MYLIP: variants seen among roughly 807,000 people sequenced by gnomAD.
MYLIP encodes the protein E3 ubiquitin-protein ligase MYLIP.
A neutral mutation model predicts 45.8 loss-of-function variants in MYLIP; 26 were observed. The observed-to-expected ratio is 0.57, with a 90% CI of 0.42 to 0.79. MYLIP has a LOEUF of 0.79. MYLIP is among the 30% of genes least tolerant of loss of function. The pLI is 0.00. For synonymous variants in MYLIP, 213 were observed against 218.1 expected, an observed-to-expected ratio of 0.98 and a Z score of 0.21; for missense variants, 494 against 555.6, an observed-to-expected ratio of 0.89 and a Z score of 1.11.
rs1178229947 is a variant in MYLIP at position 16,129,388 on chromosome 6, C to T, written c.66C>T (p.Asn22=). The change falls in exon 1 of 7, where the codon AAC becomes AAT. Residue 22 remains asparagine, a synonymous_variant. Transcript: ENST00000356840. This position sits in a 1 kb window ranked among gnomAD's most constrained non-coding sequence, Gnocchi z 5.1. ...LMEVEVEAKA[N]GEDCLNQVCR... ...AGGTGGAGGTGGAGGCGAAAGCCAA[C>T]GGCGAGGACTGCCTCAACCAGGTGA... is the stretch of plus-strand genomic sequence containing the variant. The T allele has an allele frequency of 1.3e-6, 2 of 1,592,148 alleles. No individual in the cohort carries two copies. Among genetic ancestry groups the T allele is most frequent in the African/African-American group, 2.7e-5 (2 of 74,528 alleles).
intron 2 of MYLIP, among the ~76,000 whole-genome samples, chr6:16,139,040 G>A (rs1238727559): frequency 6.6e-6 from 1 of 152,146 alleles, no homozygotes; most frequent in Non-Finnish European, 1.5e-5. Context: ...TGGATAGGTT[G>A]CAAAAAGACA....
chr6:16,146,712 G>A lies in MYLIP; in HGVS notation c.1299G>A (p.Leu433=). Residue 433 remains leucine, a synonymous_variant, in exon 7 of 7, where the codon CTG becomes CTA. Coordinates refer to ENST00000356840, the MANE Select transcript of MYLIP (RefSeq NM_013262.4). ...TGGAGCATGTCCAGCACGTCTATCTGCCAACGCACACCAGTCTTCTCAATC... is the reference window on the plus strand; with the variant it reads ...TGGAGCATGTCCAGCACGTCTATCTACCAACGCACACCAGTCTTCTCAATC... ...SRVEHVQHVY[L]PTHTSLLNLT... is the part of the protein sequence containing the mutation. 2 of 1,611,798 alleles carry A rather than the reference G, an allele frequency of 1.2e-6. No individual in the cohort carries two copies. The highest frequency in any genetic ancestry group is 1.7e-6 in the Non-Finnish European group (2 of 1,178,770).
At chr6:16,140,577 A>C (rs1397771616) in intron 2 of MYLIP, among the ~76,000 whole-genome samples, 2 of 152,196 alleles carry the variant, frequency 1.3e-5, no homozygotes, top group East Asian at 3.9e-4. Flanking sequence ...GATACAGACC[A>C]AAGGGTATCC....
rs1346036413 is a variant in MYLIP at position 16,147,162 on chromosome 6, T to C, written c.*411T>C. ...GCAGCAGATTTTGTAAGAATTACTTTTAAGAATTTCATTCTTTTTGTATGG... is the reference window on the plus strand; with the variant it reads ...GCAGCAGATTTTGTAAGAATTACTTCTAAGAATTTCATTCTTTTTGTATGG... On this transcript the variant is annotated 3_prime_UTR_variant, in exon 7 of 7. Coordinates refer to ENST00000356840, the MANE Select transcript of MYLIP (RefSeq NM_013262.4). The C allele has an allele frequency of 1.3e-5, 2 of 157,766 alleles. No homozygotes were observed. Among genetic ancestry groups the C allele is most frequent in the Non-Finnish European group, 2.8e-5 (2 of 70,842 alleles). The allele number at this position is 157,766 out of a possible 1,614,324, so 9.8% of individuals were successfully genotyped here. A position where few individuals can be genotyped will look rare whatever the true frequency, so the allele number is the denominator to read the frequency against.
rs771283038 is a variant in MYLIP, at chr6:16,130,609, C to T, written c.140C>T (p.Thr47Met). 3 of 1,614,010 alleles carry T rather than the reference C, an allele frequency of 1.9e-6. No individual in the cohort carries two copies. Among genetic ancestry groups the T allele is most frequent in the East Asian group, 2.2e-5 (1 of 44,896 alleles). ...IEVDYFGLQF[T>M]GSKGESLWLN... is the part of the protein sequence containing the mutation. Reference sequence around the variant, plus strand: ...GTTGACTATTTTGGACTGCAGTTTACGGGTAGCAAAGGTGAAAGTTTATGG... The same window carrying T: ...GTTGACTATTTTGGACTGCAGTTTATGGGTAGCAAAGGTGAAAGTTTATGG... Residue 47 changes from threonine (T) to methionine (M), a missense_variant, in exon 2 of 7, where the codon ACG (threonine) becomes ATG (methionine). Thr to Met is a moderately conservative substitution (Grantham distance 81, BLOSUM62 -1). Coordinates refer to ENST00000356840, the MANE Select transcript of MYLIP (RefSeq NM_013262.4).
chr6:16,161,017 C>T, the MYLIP span: 1 of 156,418 alleles, frequency 6.4e-6, no homozygotes, highest in African/African-American at 2.4e-5. Context: ...CACATCCACA[C>T]ATCCTCGCCG....
chr6:16,159,149 A>C, the MYLIP span, among the ~76,000 whole-genome samples: 2 of 152,218 alleles, frequency 1.3e-5, no homozygotes, highest in African/African-American at 4.8e-5. Context: ...GTACAACCCT[A>C]AGAAGCATCA....
intron 3 of MYLIP, among the ~76,000 whole-genome samples, chr6:16,142,075 G>T (rs1003681492): frequency 6.6e-6 from 1 of 152,216 alleles, no homozygotes; most frequent in African/African-American, 2.4e-5. Flanking sequence ...GACAGAGGGA[G>T]CAGCAAGACC....
At chr6:16,143,312 A>T (rs1192903352) in intron 4 of MYLIP, 95 bp downstream of exon 4, 1 of 1,222,650 alleles carries the variant, frequency 8.2e-7, no homozygotes, top group Non-Finnish European at 1.2e-6. Flanking sequence ...CTCGACAGTC[A>T]GCTCTTAGGA....
downstream of MYLIP, among the ~76,000 whole-genome samples, chr6:16,149,194 G>C (rs1380843589): frequency 6.6e-6 from 1 of 152,198 alleles, no homozygotes; most frequent in Non-Finnish European, 1.5e-5. Flanking sequence ...ATCAGAGGGA[G>C]TCTTGGGCAT....
At position 16,141,800 on chromosome 6, in the gene MYLIP, A is replaced by G. The variant is rs1759679581; in HGVS notation, c.454A>G (p.Thr152Ala). 2 of 1,612,456 alleles carry G rather than the reference A, an allele frequency of 1.2e-6. No homozygotes were observed. The highest frequency in any genetic ancestry group is 1.7e-6 in the Non-Finnish European group (2 of 1,178,828). The change falls in exon 3 of 7, where the codon ACC becomes GCC. Residue 152 changes from threonine to alanine, a missense_variant. Thr to Ala is a moderately conservative substitution (Grantham distance 58, BLOSUM62 0). Coordinates refer to ENST00000356840, the MANE Select transcript of MYLIP (RefSeq NM_013262.4). ...ELCAKELSSA[T>A]LNSIVAKHKE... ...CTGTGCCAAGGAGCTCTCCTCTGCCACCTTGAACAGGTGAGGCTGTTGAAT... is the reference window on the plus strand; with the variant it reads ...CTGTGCCAAGGAGCTCTCCTCTGCCGCCTTGAACAGGTGAGGCTGTTGAAT...
intron 5 of MYLIP, 61 bp from the exon 6 acceptor site, chr6:16,144,836 G>A (rs1759750582): frequency 1.6e-5 from 24 of 1,530,230 alleles, no homozygotes; most frequent in Middle Eastern, 1.8e-4. Context: ...ATTGACAACA[G>A]CGAATAAGGG....
intron 2 of MYLIP, among the ~76,000 whole-genome samples, chr6:16,137,963 T>G (rs1759589022): frequency 6.6e-6 from 1 of 152,182 alleles, no homozygotes; most frequent in South Asian, 2.1e-4. Context: ...TTAGCCAGAA[T>G]GTTACGCCTT....
Position 16,129,465 on chromosome 6 carries a change from C to A in MYLIP, c.87+56C>A. 1.3e-6 allele frequency: 2 copies of A among 1,509,156 alleles called. No homozygotes were observed. The highest frequency in any genetic ancestry group is 1.8e-6 in the Non-Finnish European group (2 of 1,113,336). The allele number at this position is 1,509,156 out of a possible 1,614,324, so 93.5% of individuals were successfully genotyped here. On this transcript the variant is annotated intron_variant, in intron 1 of 6. Transcript: ENST00000356840. This position sits in a 1 kb window ranked among gnomAD's most constrained non-coding sequence, Gnocchi z 5.1. ...CGGGTCCCGCGAGGCCGAGGGGCCT[C>A]GCAGCGACGCCTGGCACTCTGGCGC...
chr6:16,140,011 C>T (rs769427350), intron 2 of MYLIP, among the ~76,000 whole-genome samples: 22 of 152,156 alleles, frequency 1.4e-4, no homozygotes, highest in Non-Finnish European at 2.6e-4. Flanking sequence ...AGTATAGCAC[C>T]TCCTTAGATT....
downstream of MYLIP, among the ~76,000 whole-genome samples, chr6:16,152,511 C>T (rs1759890461): frequency 6.6e-6 from 1 of 152,100 alleles, no homozygotes; most frequent in Non-Finnish European, 1.5e-5. Flanking sequence ...CTAAAATGTA[C>T]AGTATAACAC....
rs1759715456 is a variant in MYLIP, at chr6:16,143,318, T to G, written c.662+101T>G. ...AGGGATTTACTCGACAGTCAGCTCT[T>G]AGGAATGAAAGATTTCATTTTGGTA... On this transcript the variant is annotated intron_variant, in intron 4 of 6. Coordinates refer to ENST00000356840, the MANE Select transcript of MYLIP (RefSeq NM_013262.4). 5.9e-6 allele frequency: 7 copies of G among 1,184,280 alleles called. No individual in the cohort carries two copies. The Admixed American group carries it at 1.4e-4, about 23-fold the overall frequency. 73.4% of individuals were successfully genotyped at this position (1,184,280 alleles called of 1,614,324 possible). A position where few individuals can be genotyped will look rare whatever the true frequency, so the allele number is the denominator to read the frequency against.
intron 3 of MYLIP, 81 bp from the exon 4 acceptor site, chr6:16,142,939 T>G: frequency 7.3e-7 from 1 of 1,363,884 alleles, no homozygotes; most frequent in East Asian, 2.5e-5. Flanking sequence ...GTTAGTATAT[T>G]TCACTCGTGA....
chr6:16,136,917 A>G (rs1211300804), intron 2 of MYLIP, among the ~76,000 whole-genome samples: 1 of 152,196 alleles, frequency 6.6e-6, no homozygotes, highest in African/African-American at 2.4e-5. Flanking sequence ...CAAATTCTTC[A>G]TGTACCCTAG....
Sources: gnomAD v4.1 joint callset for allele counts (sites outside exome capture counted in the v4.1 genomes callset) on GRCh38, gnomAD v4.1.1 for gene constraint, Gnocchi (gnomAD v3.1) non-coding constraint, MANE v1.5 for transcripts, NCBI Gene and HGNC (gene_info 2026-07-23, HGNC 2026-07-21) for gene names.